The following LRRTM3 variants were observed in gnomAD, a reference collection of about 807,000 sequenced individuals.
The protein encoded by LRRTM3 is leucine rich repeat transmembrane neuronal 3, also known as leucine-rich repeat transmembrane neuronal protein 3.
A neutral mutation model predicts 44.7 loss-of-function variants in LRRTM3; 24 were observed. That is an observed-to-expected ratio of 0.54 (90% confidence interval 0.39 to 0.76). The LOEUF is 0.76. LRRTM3 is among the 30% of genes least tolerant of loss of function. The pLI is 0.00. For synonymous variants in LRRTM3, 277 were observed against 278.7 expected, an observed-to-expected ratio of 0.99 and a Z score of 0.06; for missense variants, 587 against 702.2, an observed-to-expected ratio of 0.84 and a Z score of 1.85.
chr10:67,045,292 G>T (rs942360498), intron 2 of LRRTM3, among the ~76,000 whole-genome samples: 19 of 152,230 alleles, frequency 1.2e-4, no homozygotes, highest in Admixed American at 4.6e-4. Context: ...AACCATCTTT[G>T]TTCCCAAGGA....
intron 2 of LRRTM3, among the ~76,000 whole-genome samples, chr10:66,978,552 A>ATATATATATAT (rs1197845049): frequency 4.0e-4 from 15 of 37,876 alleles, no homozygotes; most frequent in Admixed American, 9.7e-4. Context: ...AAAAAAAAAA[A>ATATATATATAT]ATATATATAT....
At chr10:66,989,013 C>T (rs1850890138) in intron 2 of LRRTM3, among the ~76,000 whole-genome samples, 1 of 151,752 alleles carries the variant, frequency 6.6e-6, no homozygotes, top group South Asian at 2.1e-4. Flanking sequence ...AAAAAAAAAT[C>T]CCTTTTCTAC....
At chr10:67,005,357 C>CT (rs1851905848) in intron 2 of LRRTM3, among the ~76,000 whole-genome samples, 1 of 152,102 alleles carries the variant, frequency 6.6e-6, no homozygotes, top group South Asian at 2.1e-4. Flanking sequence ...TACACTTTAT[C>CT]TAAATCACTT....
intron 2 of LRRTM3, among the ~76,000 whole-genome samples, chr10:67,077,162 C>A (rs1405888221): frequency 6.6e-6 from 1 of 152,194 alleles, no homozygotes; most frequent in East Asian, 1.9e-4. Context: ...TGCATCCACA[C>A]TGCCATCTTG....
At chr10:67,008,030 T>C (rs2133022990) in intron 2 of LRRTM3, among the ~76,000 whole-genome samples, 1 of 152,098 alleles carries the variant, frequency 6.6e-6, no homozygotes, top group Non-Finnish European at 1.5e-5. Flanking sequence ...TATAAGAACT[T>C]TAAATGAAAT....
chr10:67,088,189 C>T (rs141704144), intron 2 of LRRTM3, among the ~76,000 whole-genome samples: 1 of 151,278 alleles, frequency 6.6e-6, no homozygotes, highest in African/African-American at 2.4e-5. Flanking sequence ...CTTCTGCTTG[C>T]TAGGCATGTA....
intron 2 of LRRTM3, among the ~76,000 whole-genome samples, chr10:66,967,695 A>G (rs903847898): frequency 2.0e-5 from 3 of 152,132 alleles, no homozygotes; most frequent in Non-Finnish European, 4.4e-5. Context: ...TGAACGTTCT[A>G]AAAATGAAGT....
rs1384950288 is a variant in LRRTM3, at chr10:67,097,816, G to A, written c.*20G>A. 1 of 1,608,068 alleles carries A rather than the reference G, an allele frequency of 6.2e-7. No homozygotes were observed. Among genetic ancestry groups the A allele is most frequent in the Non-Finnish European group, 8.5e-7 (1 of 1,175,334 alleles). On this transcript the variant is annotated 3_prime_UTR_variant, in exon 3 of 3. Transcript: ENST00000361320. ...GCTTAACTGAGATCATTGGTAGCCA[G>A]GGGTTGCTACCAAACTTTGTAACCT... is the stretch of plus-strand genomic sequence containing the variant.
At chr10:67,038,500 T>A (rs1375616596) in intron 2 of LRRTM3, among the ~76,000 whole-genome samples, 4 of 152,124 alleles carry the variant, frequency 2.6e-5, no homozygotes, top group African/African-American at 7.2e-5. Flanking sequence ...ACAACTCATT[T>A]ATGAAAATGA....
intron 2 of LRRTM3, among the ~76,000 whole-genome samples, chr10:66,978,552 A>AAAAAAT: frequency 4.8e-4 from 18 of 37,872 alleles, no homozygotes; most frequent in African/African-American, 9.5e-4. Flanking sequence ...AAAAAAAAAA[A>AAAAAAT]ATATATATAT....
intron 2 of LRRTM3, among the ~76,000 whole-genome samples, chr10:67,096,307 A>C (rs1857989281): frequency 6.6e-6 from 1 of 151,848 alleles, no homozygotes; most frequent in African/African-American, 2.4e-5. Context: ...GTAGGGATGG[A>C]AACAGAAGTG....
intron 2 of LRRTM3, among the ~76,000 whole-genome samples, chr10:67,022,499 G>A (rs1410047140): frequency 6.6e-6 from 1 of 152,132 alleles, no homozygotes; most frequent in Non-Finnish European, 1.5e-5. Context: ...AAAATTTTCA[G>A]AGATGACAAA....
At chr10:67,059,964 G>GAATCA (rs1855665921) in intron 2 of LRRTM3, among the ~76,000 whole-genome samples, 1 of 152,106 alleles carries the variant, frequency 6.6e-6, no homozygotes, top group Non-Finnish European at 1.5e-5. Flanking sequence ...AATATGTTGA[G>GAATCA]GGAGATAAAA....
At chr10:66,942,567 T>C (rs1374407962) in intron 2 of LRRTM3, among the ~76,000 whole-genome samples, 2 of 151,878 alleles carry the variant, frequency 1.3e-5, no homozygotes, top group Non-Finnish European at 2.9e-5. Flanking sequence ...TCTCTCTCTC[T>C]CTCTCTCTCT....
intron 2 of LRRTM3, among the ~76,000 whole-genome samples, chr10:66,990,541 A>C (rs1850986258): frequency 6.6e-6 from 1 of 152,188 alleles, no homozygotes; most frequent in Non-Finnish European, 1.5e-5. Flanking sequence ...AAAACTAGAA[A>C]TCATCTAGTT....
chr10:67,039,287 T>C (rs1241193755), intron 2 of LRRTM3, among the ~76,000 whole-genome samples: 2 of 152,158 alleles, frequency 1.3e-5, no homozygotes, highest in African/African-American at 2.4e-5. Context: ...CTGAATATTA[T>C]ACCTTATGAA....
At chr10:66,977,209 C>A (rs1279387382) in intron 2 of LRRTM3, among the ~76,000 whole-genome samples, 1 of 152,014 alleles carries the variant, frequency 6.6e-6, no homozygotes, top group African/African-American at 2.4e-5. Context: ...GAGGCCGAGG[C>A]AGGTGGATCA....
At chr10:67,017,683 T>G (rs1230188199) in intron 2 of LRRTM3, among the ~76,000 whole-genome samples, 1 of 152,034 alleles carries the variant, frequency 6.6e-6, no homozygotes, top group African/African-American at 2.4e-5. Flanking sequence ...AGTTAGTAGG[T>G]TAATCAAAAA....
chr10:67,011,900 C>T (rs1456545889), intron 2 of LRRTM3, among the ~76,000 whole-genome samples: 4 of 152,110 alleles, frequency 2.6e-5, no homozygotes, highest in Non-Finnish European at 5.9e-5. Context: ...CAGAACCTGG[C>T]TTCATAAACA....
Sources: allele counts gnomAD v4.1 joint callset (sites outside exome capture counted in the v4.1 genomes callset), GRCh38; gene constraint gnomAD v4.1.1; transcripts MANE v1.5; gene names NCBI Gene and HGNC (gene_info 2026-07-23, HGNC 2026-07-21).